The following DCDC2 variants were observed in gnomAD, a reference collection of about 807,000 sequenced individuals.
DCDC2 encodes the protein doublecortin domain containing 2, also known as doublecortin domain-containing protein 2.
A neutral mutation model predicts 50.2 loss-of-function variants in DCDC2; 40 were observed. The observed-to-expected ratio is 0.80, with a 90% confidence interval of 0.62 to 1.04. DCDC2 has a LOEUF of 1.04. Among genes scored for constraint, DCDC2 ranks in the 50% least tolerant of loss-of-function variants. The pLI is 0.00. For synonymous variants in DCDC2, 234 were observed against 210.6 expected (o/e 1.11, Z -0.96); for missense variants, 570 against 581.9 (o/e 0.98, Z 0.21).
At chr6:24,191,815 G>A (rs2113751373) in intron 8 of DCDC2, among the ~76,000 whole-genome samples, 1 of 152,258 alleles carries the variant, frequency 6.6e-6, no homozygotes, top group East Asian at 1.9e-4. Flanking sequence ...ACAGAAGAGT[G>A]GAAAGGGAAT....
In DCDC2 at chr6:24,358,012, C is replaced by T. The variant is rs1225092801; in HGVS notation, c.-262G>A. On this transcript the variant is annotated 5_prime_UTR_variant, in exon 1 of 10. In the 5' UTR this introduces an upstream ATG that the reference lacks. Coordinates refer to ENST00000378454, the MANE Select transcript of DCDC2 (RefSeq NM_016356.5). ...CCAATCAGGACCCGCAGTGCGCGCACCACACCAGGTTCACCTGCTACGGGC... is the reference window on the plus strand; with the variant it reads ...CCAATCAGGACCCGCAGTGCGCGCATCACACCAGGTTCACCTGCTACGGGC... 7.7e-7 allele frequency: 1 copy of T among 1,304,654 alleles called. No individual in the cohort carries two copies. 80.8% of individuals were successfully genotyped at this position (1,304,654 alleles called of 1,614,324 possible).
chr6:24,319,871 T>G (rs951634733), intron 2 of DCDC2, among the ~76,000 whole-genome samples: 1 of 152,134 alleles, frequency 6.6e-6, no homozygotes, highest in Non-Finnish European at 1.5e-5. Flanking sequence ...GTATATATTT[T>G]GTATAGCTTA....
chr6:24,304,923 C>T (rs1373331609), intron 2 of DCDC2, among the ~76,000 whole-genome samples: 1 of 152,150 alleles, frequency 6.6e-6, no homozygotes, highest in African/African-American at 2.4e-5. Flanking sequence ...CTCCTTAGTG[C>T]CTTAGCTAGC....
rs146170247 is a variant in DCDC2, at chr6:24,236,628, G to A, written c.923-31526C>T. On this transcript the variant is annotated intron_variant, in intron 7 of 9. Coordinates refer to ENST00000378454, the MANE Select transcript of DCDC2 (RefSeq NM_016356.5). ...AGACAAGCTACAGAATAGAATATCT[G>A]CAAACTATGCATCCAAATGAAAGCC... Among the ~76,000 whole-genome samples, 493 of 152,174 alleles carry A rather than the reference G, an allele frequency of 3.2e-3. 2 individuals carry two copies. Among genetic ancestry groups the A allele is most frequent in the African/African-American group, 0.011 (465 of 41,508 alleles).
intron 7 of DCDC2, among the ~76,000 whole-genome samples, chr6:24,260,625 C>T (rs974204337): frequency 2.0e-5 from 3 of 152,216 alleles, no homozygotes; most frequent in African/African-American, 7.2e-5. Context: ...TTCTCTGTCC[C>T]TTCTGTCTGA....
chr6:24,249,856 G>C (rs1762761830), intron 7 of DCDC2, among the ~76,000 whole-genome samples: 1 of 152,158 alleles, frequency 6.6e-6, no homozygotes, highest in Admixed American at 6.5e-5. Flanking sequence ...AATATTATTT[G>C]AGTTGTAAAT....
At chr6:24,278,271 G>A (rs2037264241) in intron 6 of DCDC2, 60 bp from the exon 7 acceptor site, 2 of 1,465,288 alleles carry the variant, frequency 1.4e-6, no homozygotes, top group African/African-American at 1.4e-5. Flanking sequence ...AACATTCCCA[G>A]TAAATACATG....
chr6:24,285,944 C>G (rs1554116259), intron 6 of DCDC2, among the ~76,000 whole-genome samples: 1 of 152,238 alleles, frequency 6.6e-6, no homozygotes, highest in Non-Finnish European at 1.5e-5. Context: ...AATATCTATA[C>G]AGTACACAGA....
chr6:24,381,844 AAG>A, the DCDC2 span, among the ~76,000 whole-genome samples: 1 of 147,288 alleles, frequency 6.8e-6, no homozygotes, highest in Non-Finnish European at 1.5e-5. Context: ...GGAAGGAAGG[AAG>A]GAAGGAAGGA....
intron 7 of DCDC2, among the ~76,000 whole-genome samples, chr6:24,239,998 C>CAA (rs1359930575): frequency 8.6e-5 from 13 of 151,978 alleles, no homozygotes; most frequent in African/African-American, 2.9e-4. Context: ...GTGAGATGTA[C>CAA]AAAGATAAAA....
intron 7 of DCDC2, among the ~76,000 whole-genome samples, chr6:24,208,359 G>T: frequency 7.2e-6 from 1 of 138,902 alleles, no homozygotes; most frequent in Admixed American, 7.2e-5. Flanking sequence ...CCTCCTCTGT[G>T]CTACTTTTTT....
the DCDC2 span, among the ~76,000 whole-genome samples, chr6:24,382,009 A>AAGGAAGGAAGGCAGGCAGGCAGGC: frequency 5.2e-4 from 61 of 116,490 alleles, no homozygotes; most frequent in South Asian, 5.5e-3. Flanking sequence ...GGAAGGAAGG[A>AAGGAAGGAAGGCAGGCAGGCAGGC]AGGCAGGCAA....
chr6:24,177,729 T>C (rs922252653), intron 9 of DCDC2, among the ~76,000 whole-genome samples: 2 of 152,204 alleles, frequency 1.3e-5, no homozygotes, highest in African/African-American at 2.4e-5. Flanking sequence ...TCACCAGATA[T>C]TACTTTTTCT....
At chr6:24,366,940 C>A in the DCDC2 span, among the ~76,000 whole-genome samples, 1 of 152,020 alleles carries the variant, frequency 6.6e-6, no homozygotes, top group African/African-American at 2.4e-5. Flanking sequence ...TTAAGCAATC[C>A]TCCTGCCCCA....
At chr6:24,232,874 G>A (rs1230862317) in intron 7 of DCDC2, among the ~76,000 whole-genome samples, 2 of 152,006 alleles carry the variant, frequency 1.3e-5, no homozygotes, top group Middle Eastern at 3.4e-3. Context: ...CTTCCTTCTG[G>A]CCATAGGAAA....
intron 1 of DCDC2, chr6:24,356,925 T>G (rs766849235): frequency 6.6e-6 from 1 of 152,628 alleles, no homozygotes; most frequent in Non-Finnish European, 1.5e-5. Context: ...AGCATAAACA[T>G]GCAGGGGGTG....
intron 7 of DCDC2, among the ~76,000 whole-genome samples, chr6:24,228,005 G>T (rs1298126324): frequency 6.6e-6 from 1 of 152,128 alleles, no homozygotes; most frequent in Non-Finnish European, 1.5e-5. Context: ...CTTCTCTTCT[G>T]CAGTTTGTGC....
chr6:24,207,905 A>C (rs1163712891), intron 7 of DCDC2, among the ~76,000 whole-genome samples: 14 of 152,184 alleles, frequency 9.2e-5, no homozygotes, highest in Admixed American at 9.2e-4. Context: ...GATACAATTA[A>C]TTCAAAAGAA....
chr6:24,243,799 A>G (rs1762614679), intron 7 of DCDC2, among the ~76,000 whole-genome samples: 1 of 152,170 alleles, frequency 6.6e-6, no homozygotes, highest in Non-Finnish European at 1.5e-5. Context: ...AGACAAGCAA[A>G]CAGAGGCAAC....
Sources: gnomAD v4.1 joint callset for allele counts (sites outside exome capture counted in the v4.1 genomes callset) on GRCh38, gnomAD v4.1.1 for gene constraint, MANE v1.5 for transcripts, NCBI Gene and HGNC (gene_info 2026-07-23, HGNC 2026-07-21) for gene names.